Variants in CYYR1 observed in about 807,000 individuals in gnomAD.
The protein encoded by CYYR1 is cysteine and tyrosine rich 1, also known as cysteine and tyrosine-rich protein 1.
CYYR1 carries 14 observed loss-of-function variants against 15.2 expected under a neutral mutation model. That is an observed-to-expected ratio of 0.92 (90% CI 0.61 to 1.44). The LOEUF (loss-of-function observed/expected upper bound fraction) is 1.44, where lower values mean the gene tolerates loss of function less well. Ranked by LOEUF, CYYR1 falls within the 40% of genes most tolerant of loss-of-function variation. CYYR1 has a pLI of 0.00. For synonymous variants in CYYR1, 80 were observed against 77.4 expected, an observed-to-expected ratio of 1.03 and a Z score of -0.18; for missense variants, 228 against 209.5, an observed-to-expected ratio of 1.09 and a Z score of -0.54.
chr21:26,571,864 G>A (rs1981028486), intron 1 of CYYR1, among the ~76,000 whole-genome samples: 1 of 152,096 alleles, frequency 6.6e-6, no homozygotes, highest in South Asian at 2.1e-4. Flanking sequence ...GTAACTCCTA[G>A]ACAGCCACTA....
At chr21:26,468,729 A>G (rs1366633658) in intron 3 of CYYR1, 95 bp from the exon 4 acceptor site, 2 of 948,442 alleles carry the variant, frequency 2.1e-6, no homozygotes, top group African/African-American at 3.3e-5. Context: ...GGGAGGGGAC[A>G]TAAATTGTGG....
chr21:26,488,078 A>G (rs2065275549), intron 2 of CYYR1, among the ~76,000 whole-genome samples: 1 of 151,938 alleles, frequency 6.6e-6, no homozygotes, highest in South Asian at 2.1e-4. Flanking sequence ...CCTCATGATA[A>G]TAAAACTGGA....
intron 2 of CYYR1, among the ~76,000 whole-genome samples, chr21:26,528,515 A>G (rs2065892521): frequency 6.6e-6 from 1 of 152,102 alleles, no homozygotes; most frequent in Admixed American, 6.6e-5. Context: ...CTGCTCCTCA[A>G]TTGCCTTTTG....
chr21:26,489,760 T>A (rs1002916433), intron 2 of CYYR1, among the ~76,000 whole-genome samples: 2 of 152,102 alleles, frequency 1.3e-5, no homozygotes, highest in African/African-American at 4.8e-5. Context: ...TGAAAGTGAT[T>A]CATTTAACTG....
chr21:26,467,857 C>T lies in CYYR1; in HGVS notation c.*644G>A, dbSNP rs2064987396. The T allele has an allele frequency of 6.5e-6, 1 of 154,154 alleles. No homozygotes were observed. The highest frequency in any genetic ancestry group is 2.0e-4 in the South Asian group (1 of 4,938). 9.5% of individuals were successfully genotyped at this position (154,154 alleles called of 1,614,324 possible). On this transcript the variant is annotated 3_prime_UTR_variant, in exon 4 of 4. Coordinates refer to ENST00000652641, the MANE Select transcript of CYYR1 (RefSeq NM_001320768.2). ...CCCACCTAAAATACGAGCAGAACTT[C>T]TGAGGCCCAATGAACCCATCTACTA...
At chr21:26,567,972 C>T (rs565468620) in intron 1 of CYYR1, 5 of 152,208 alleles carry the variant, frequency 3.3e-5, no homozygotes, top group African/African-American at 1.2e-4. Context: ...CAAACATGAC[C>T]CTTGAGGCTT....
At chr21:26,495,583 TC>T (rs1441788223) in intron 2 of CYYR1, among the ~76,000 whole-genome samples, 7 of 152,086 alleles carry the variant, frequency 4.6e-5, no homozygotes, top group African/African-American at 1.4e-4. Context: ...CCCCTTGTGC[TC>T]CTGGAGCAGA....
chr21:26,555,124 T>C (rs1979675645), intron 2 of CYYR1, among the ~76,000 whole-genome samples: 1 of 152,154 alleles, frequency 6.6e-6, no homozygotes, highest in African/African-American at 2.4e-5. Context: ...TACAACTTCC[T>C]ATCACAAAAC....
In CYYR1 at chr21:26,503,945, C is replaced by T. The variant is rs531988361; in HGVS notation, c.177-23516G>A. ...TTAAAAACTATTCAAAAAGGCTTTACGTATATTTTGAACTCTATTATGTAT... is the reference window on the plus strand; with the variant it reads ...TTAAAAACTATTCAAAAAGGCTTTATGTATATTTTGAACTCTATTATGTAT... On this transcript the variant is annotated intron_variant, in intron 2 of 3. Transcript: ENST00000652641. 1.1e-4 allele frequency among the ~76,000 whole-genome samples: 16 copies of T among 152,046 alleles called. No homozygotes were observed. In the East Asian group the frequency reaches 2.3e-3, roughly 22 times the overall value.
Position 26,532,061 on chromosome 21 carries a change from C to T in CYYR1, c.176+34205G>A, listed in dbSNP as rs145839088. 2.2e-3 allele frequency among the ~76,000 whole-genome samples: 336 copies of T among 151,720 alleles called. 1 individual carries two copies. The highest frequency in any genetic ancestry group is 7.7e-3 in the African/African-American group (317 of 41,368). The stretch of plus-strand genomic sequence containing the variant: ...CTGTAATTTGAAGGATTATGTAAAG[C>T]GAGAAAAAAAGAATGTCTGATTTCC... On this transcript the variant is annotated intron_variant, in intron 2 of 3. Coordinates refer to ENST00000652641, the MANE Select transcript of CYYR1 (RefSeq NM_001320768.2).
rs750458342 is a variant in CYYR1, at chr21:26,572,934, C to T, written c.7G>A (p.Ala3Thr). Residue 3 changes from alanine (A) to threonine (T), a missense_variant, in exon 1 of 4, where the codon GCT (alanine) becomes ACT (threonine). Ala to Thr is a moderately conservative substitution (Grantham distance 58). Coordinates refer to ENST00000652641, the MANE Select transcript of CYYR1 (RefSeq NM_001320768.2). MD[A>T]PRLPVRPGVL... Reference sequence around the variant, plus strand: ...CCTGGACGCACGGGTAGCCTCGGAGCGTCCATCCAAGCCGGTGGCCTGAGG... The same window carrying T: ...CCTGGACGCACGGGTAGCCTCGGAGTGTCCATCCAAGCCGGTGGCCTGAGG... The T allele has an allele frequency of 2.3e-5, 37 of 1,613,686 alleles. No homozygotes were observed. Among genetic ancestry groups the T allele is most frequent in the Non-Finnish European group, 3.1e-5 (36 of 1,179,950 alleles).
intron 2 of CYYR1, among the ~76,000 whole-genome samples, chr21:26,511,725 G>T (rs929090685): frequency 1.3e-5 from 2 of 152,154 alleles, no homozygotes; most frequent in Non-Finnish European, 2.9e-5. Context: ...CTCCACTCAA[G>T]GGTTTGAGTT....
At chr21:26,488,872 C>G (rs559386028) in intron 2 of CYYR1, among the ~76,000 whole-genome samples, 2 of 152,024 alleles carry the variant, frequency 1.3e-5, no homozygotes, top group African/African-American at 4.8e-5. Context: ...TGTATCAACT[C>G]CCATTTCCTT....
At chr21:26,522,305 A>C (rs2065813141) in intron 2 of CYYR1, among the ~76,000 whole-genome samples, 1 of 152,178 alleles carries the variant, frequency 6.6e-6, no homozygotes, top group Admixed American at 6.6e-5. Flanking sequence ...TTATTCGCAA[A>C]GTTGTGAATC....
chr21:26,483,315 G>A (rs973404103), intron 2 of CYYR1: 7 of 298,340 alleles, frequency 2.3e-5, no homozygotes, highest in East Asian at 1.7e-4. Context: ...GTATTTCCTC[G>A]TCCTGTCTGG....
intron 2 of CYYR1, among the ~76,000 whole-genome samples, chr21:26,525,263 C>T (rs2065849314): frequency 6.6e-6 from 1 of 151,774 alleles, no homozygotes. Context: ...TGAGTTTCTA[C>T]CTTTATGTCT....
chr21:26,512,195 CTTT>C (rs1035341095), intron 2 of CYYR1, among the ~76,000 whole-genome samples: 1 of 151,734 alleles, frequency 6.6e-6, no homozygotes, highest in Non-Finnish European at 1.5e-5. Context: ...TTCAGTCCCT[CTTT>C]TTTTATTTAT....
At chr21:26,489,584 TATATA>T (rs1249047277) in intron 2 of CYYR1, among the ~76,000 whole-genome samples, 8 of 151,758 alleles carry the variant, frequency 5.3e-5, no homozygotes, top group Admixed American at 2.0e-4. Context: ...ATGTATAATA[TATATA>T]ATATAAGATA....
At chr21:26,498,821 A>AT (rs2065442544) in intron 2 of CYYR1, among the ~76,000 whole-genome samples, 1 of 152,114 alleles carries the variant, frequency 6.6e-6, no homozygotes, top group Non-Finnish European at 1.5e-5. Context: ...TGCTGAGCAA[A>AT]GGGGGAAAAG....
Sources: allele counts gnomAD v4.1 joint callset (sites outside exome capture counted in the v4.1 genomes callset), GRCh38; gene constraint gnomAD v4.1.1; transcripts MANE v1.5; gene names NCBI Gene and HGNC (gene_info 2026-07-23, HGNC 2026-07-21).